Variants in HHLA1 observed in about 807,000 individuals in gnomAD.
HHLA1 encodes the protein HHLA1 neighbor of OC90.
In HHLA1, 72 loss-of-function variants were observed where a neutral mutation model predicts 69.9. The observed-to-expected ratio is 1.03, with a 90% CI of 0.85 to 1.25. HHLA1 has a LOEUF of 1.25. HHLA1 is among the 50% of genes most tolerant of loss of function. The probability of loss-of-function intolerance (pLI) is 0.00; values close to 1 mark genes in which losing one functional copy is unlikely to be tolerated. For synonymous variants in HHLA1, 252 were observed against 233.2 expected, an observed-to-expected ratio of 1.08 and a Z score of -0.73; for missense variants, 685 against 642.2, an observed-to-expected ratio of 1.07 and a Z score of -0.72.
chr8:132,071,527 T>C lies in HHLA1; in HGVS notation c.1316-34A>G, dbSNP rs536781039. 5 of 1,546,814 alleles carry C rather than the reference T, an allele frequency of 3.2e-6. No individual in the cohort carries two copies. In the African/African-American group the frequency reaches 6.8e-5, roughly 21 times the overall value. On this transcript the variant is annotated intron_variant, in intron 14 of 16. Transcript: ENST00000414222. ...TGCAATCCCAGACCAATTAAATCAGTAAGAGTTTAGTAAGCATCTTCTCTT... is the reference window on the plus strand; with the variant it reads ...TGCAATCCCAGACCAATTAAATCAGCAAGAGTTTAGTAAGCATCTTCTCTT...
Position 132,087,720 on chromosome 8 carries a change from G to T in HHLA1, c.609C>A (p.Phe203Leu). 1 of 1,551,392 alleles carries T rather than the reference G, an allele frequency of 6.4e-7. No individual in the cohort carries two copies. Among genetic ancestry groups the T allele is most frequent in the East Asian group, 2.4e-5 (1 of 40,910 alleles). The change falls in exon 10 of 17, where the codon TTC (phenylalanine) becomes TTA (leucine). Residue 203 changes from phenylalanine to leucine, a missense_variant. Phe to Leu is a conservative substitution (Grantham distance 22). Transcript: ENST00000414222. ...TGGGATATTTTTCTTCTATCTCCCA[G>T]AAGTCAGAAAGATTCCTTCCTGCAA... The part of the protein sequence containing the change: ...TGKSGRNLSD[F>L]WEIEEKYPII...
chr8:132,082,499 G>A (rs1195845716), intron 10 of HHLA1, among the ~76,000 whole-genome samples: 2 of 152,114 alleles, frequency 1.3e-5, no homozygotes, highest in African/African-American at 4.8e-5. Flanking sequence ...GACATGATTG[G>A]CAGGGAGAGC....
chr8:132,071,376 C>T lies in HHLA1; in HGVS notation c.1433G>A (p.Cys478Tyr). The T allele has an allele frequency of 6.4e-7, 1 of 1,551,660 alleles. No individual in the cohort carries two copies. Among genetic ancestry groups the T allele is most frequent in the East Asian group, 2.4e-5 (1 of 40,928 alleles). The change falls in exon 15 of 17, where the codon TGC becomes TAC. Residue 478 changes from cysteine to tyrosine, a missense_variant. By Grantham distance (194) the Cys-to-Tyr change is radical. Transcript: ENST00000414222. ...TGTCCTGGGACTCCTCTGGCTCATG[C>T]AGAGGCATTGCTGGAAGAATTGGCA... ...ELCQFFQQCL[C>Y]MSQRSPRTED...
chr8:132,076,615 C>T (rs1425480254), intron 12 of HHLA1, 72 bp from the exon 13 acceptor site: 3 of 1,035,412 alleles, frequency 2.9e-6, no homozygotes, highest in African/African-American at 3.3e-5. Context: ...TGACCAGGGC[C>T]ACCTATCCTG....
At position 132,070,527 on chromosome 8, in the gene HHLA1, T is replaced by A. The variant is rs1257600729; in HGVS notation, c.1469+813A>T. The A allele has an allele frequency of 4.9e-6, 3 of 617,434 alleles. No homozygotes were observed. The East Asian group carries it at 8.2e-5, about 17-fold the overall frequency. 38.2% of individuals were successfully genotyped at this position (617,434 alleles called of 1,614,324 possible). Reference sequence around the variant, plus strand: ...TTAACATGACACAAGTTAACTTAACTCAACACAACATATCTCAATATAGCT... The same window carrying A: ...TTAACATGACACAAGTTAACTTAACACAACACAACATATCTCAATATAGCT... On this transcript the variant is annotated intron_variant, in intron 15 of 16. Transcript: ENST00000414222.
chr8:132,107,341 C>G (rs1356396117), intron 1 of HHLA1, among the ~76,000 whole-genome samples: 1 of 152,008 alleles, frequency 6.6e-6, no homozygotes, highest in Non-Finnish European at 1.5e-5. Context: ...GCTCTTGTTG[C>G]CCAGGCTGGA....
chr8:132,073,988 C>A (rs1425983809), intron 14 of HHLA1, among the ~76,000 whole-genome samples: 1 of 152,164 alleles, frequency 6.6e-6, no homozygotes, highest in African/African-American at 2.4e-5. Flanking sequence ...TCAGAGGAAC[C>A]TTTCTGCAAC....
At position 132,089,389 on chromosome 8, in the gene HHLA1, T is replaced by C. The variant is rs147340362; in HGVS notation, c.532+127A>G. 4.0e-3 allele frequency: 2,736 copies of C among 685,692 alleles called. 63 individuals carry two copies. In the African/African-American group the frequency reaches 0.044, roughly 11 times the overall value. The allele number at this position is 685,692 out of a possible 1,614,324, so 42.5% of individuals were successfully genotyped here. A position where few individuals can be genotyped will look rare whatever the true frequency, so the allele number is the denominator to read the frequency against. On this transcript the variant is annotated intron_variant, in intron 8 of 16. Transcript: ENST00000414222. The stretch of plus-strand genomic sequence containing the variant: ...ACCACACTGATTATCTAAATAAAGA[T>C]TACATGAACGTTTCTGGCAGCCTGG...
At chr8:132,109,881 C>A (rs1824266780) in intron 1 of HHLA1, among the ~76,000 whole-genome samples, 1 of 152,062 alleles carries the variant, frequency 6.6e-6, no homozygotes, top group African/African-American at 2.4e-5. Context: ...AGTCACACTC[C>A]CGGGAGAAGG....
chr8:132,074,088 C>T lies in HHLA1; in HGVS notation c.1315+1967G>A, dbSNP rs900746505. The stretch of plus-strand genomic sequence containing the variant: ...TACTGTTAATCTCACTCTTGGCTAC[C>T]TCTCTAGCCTCATTCCACACTACCC... On this transcript the variant is annotated intron_variant, in intron 14 of 16. Coordinates refer to ENST00000414222, the MANE Select transcript of HHLA1 (RefSeq NM_001145095.3). Among the ~76,000 whole-genome samples the T allele has an allele frequency of 2.0e-5, 3 of 152,318 alleles. No individual in the cohort carries two copies. The East Asian group carries it at 5.8e-4, about 29-fold the overall frequency.
chr8:132,063,414 TAA>T lies in HHLA1; in HGVS notation c.*579_*580del, dbSNP rs1823384372. Reference sequence around the variant, plus strand: ...AACTCTCTAAACCTCCTCCTAATGATAAAGTTTTCATTATCGCCCACTTAAGG... The same window carrying T: ...AACTCTCTAAACCTCCTCCTAATGATAGTTTTCATTATCGCCCACTTAAGG... On this transcript the variant is annotated 3_prime_UTR_variant, in exon 17 of 17. Transcript: ENST00000414222. 1 of 152,206 alleles carries T rather than the reference TAA, an allele frequency of 6.6e-6. No individual in the cohort carries two copies. The highest frequency in any genetic ancestry group is 2.4e-5 in the African/African-American group (1 of 41,448). 9.4% of individuals were successfully genotyped at this position (152,206 alleles called of 1,614,324 possible).
intron 3 of HHLA1, chr8:132,101,194 G>A: frequency 6.5e-7 from 1 of 1,549,346 alleles, no homozygotes; most frequent in African/African-American, 1.4e-5. Context: ...AATGTGCCCT[G>A]CATTACAGAG....
At chr8:132,083,038 T>C (rs1823785370) in intron 10 of HHLA1, among the ~76,000 whole-genome samples, 1 of 144,584 alleles carries the variant, frequency 6.9e-6, no homozygotes, top group African/African-American at 2.9e-5. Flanking sequence ...GGGTGCATGA[T>C]TGGTCGCCAA....
chr8:132,111,031 T>C (rs1249008512), intron 1 of HHLA1, 71 bp downstream of exon 1: 1 of 152,224 alleles, frequency 6.6e-6, no homozygotes, highest in Non-Finnish European at 1.5e-5. Flanking sequence ...ATGAATTCTT[T>C]AGCTGGCTTC....
intron 14 of HHLA1, among the ~76,000 whole-genome samples, chr8:132,075,062 C>A (rs1285800958): frequency 6.6e-6 from 1 of 152,192 alleles, no homozygotes; most frequent in East Asian, 1.9e-4. Flanking sequence ...TCACAACAGC[C>A]TCCATCTGCA....
chr8:132,105,007 A>G (rs1824180279), intron 2 of HHLA1, among the ~76,000 whole-genome samples, 180 bp downstream of exon 2: 1 of 152,198 alleles, frequency 6.6e-6, no homozygotes, highest in Non-Finnish European at 1.5e-5. Flanking sequence ...TTTTGCATAG[A>G]TGGGACTTAA....
chr8:132,104,125 G>T lies in HHLA1; in HGVS notation c.122C>A (p.Thr41Asn), dbSNP rs1443302934. 1.9e-6 allele frequency: 3 copies of T among 1,551,054 alleles called. No homozygotes were observed. The African/African-American group carries it at 4.1e-5, about 21-fold the overall frequency. Residue 41 changes from threonine (T) to asparagine (N), a missense_variant, in exon 3 of 17, where the codon ACC (threonine) becomes AAC (asparagine). Transcript: ENST00000414222. ...KGEAKKEKGMTFLPTTVSGLR... is the reference protein window; with the variant it reads ...KGEAKKEKGMNFLPTTVSGLR... ...CCACTTACCTGTTGTAGGTAAAAAG[G>T]TCATTCCCTTCTCTTTCTTGGCTTC...
At chr8:132,078,296 A>C (rs953087580) in intron 11 of HHLA1, among the ~76,000 whole-genome samples, 2 of 152,032 alleles carry the variant, frequency 1.3e-5, no homozygotes, top group African/African-American at 4.8e-5. Flanking sequence ...ATTTCTAATC[A>C]TGTGACATAG....
intron 14 of HHLA1, among the ~76,000 whole-genome samples, chr8:132,075,690 C>A (rs1190061179): frequency 6.6e-6 from 1 of 152,188 alleles, no homozygotes; most frequent in Admixed American, 6.5e-5. Context: ...TGCAAAGTGC[C>A]CAGCATGCTA....
Sources: gnomAD v4.1 joint callset for allele counts (sites outside exome capture counted in the v4.1 genomes callset) on GRCh38, gnomAD v4.1.1 for gene constraint, MANE v1.5 for transcripts, NCBI Gene and HGNC (gene_info 2026-07-23, HGNC 2026-07-21) for gene names.